TMEM45A: variants seen among roughly 807,000 people sequenced by gnomAD.
The protein encoded by TMEM45A is DNA polymerase-transactivated protein 4.
A neutral mutation model predicts 32.0 loss-of-function variants in TMEM45A; 25 were observed. The ratio of observed to expected loss-of-function variants is 0.78; its 90% CI spans 0.57 to 1.09. The LOEUF (loss-of-function observed/expected upper bound fraction) is 1.09. Among genes scored for constraint, TMEM45A ranks in the 50% least tolerant of loss-of-function variants. The pLI, the probability that TMEM45A is intolerant of heterozygous loss-of-function variation, is 0.00. For missense variants in TMEM45A, 302 were observed against 325.0 expected, an observed-to-expected ratio of 0.93 and a Z score of 0.54; for synonymous variants, 122 against 114.8, an observed-to-expected ratio of 1.06 and a Z score of -0.40.
intron 1 of TMEM45A, among the ~76,000 whole-genome samples, chr3:100,546,126 G>A (rs1054278918): frequency 2.0e-5 from 3 of 152,148 alleles, no homozygotes; most frequent in African/African-American, 7.2e-5. Flanking sequence ...GAATGGAGGT[G>A]GCTTCTAAGA....
intron 1 of TMEM45A, among the ~76,000 whole-genome samples, chr3:100,539,110 T>C (rs1374379635): frequency 6.6e-6 from 1 of 152,180 alleles, no homozygotes; most frequent in Non-Finnish European, 1.5e-5. Flanking sequence ...CTAAAGTTTA[T>C]ATGGACAGAC....
chr3:100,570,431 G>A (rs1224235398), intron 5 of TMEM45A, among the ~76,000 whole-genome samples: 3 of 152,204 alleles, frequency 2.0e-5, no homozygotes, highest in Non-Finnish European at 4.4e-5. Context: ...TCAGCTGCAG[G>A]TCAGCCCACT....
At chr3:100,556,121 C>T (rs1373961388) in intron 2 of TMEM45A, among the ~76,000 whole-genome samples, 2 of 152,144 alleles carry the variant, frequency 1.3e-5, no homozygotes, top group African/African-American at 4.8e-5. Flanking sequence ...GCTAGGATTA[C>T]AAGCACCTAC....
intron 1 of TMEM45A, among the ~76,000 whole-genome samples, chr3:100,524,548 G>A (rs185304194): frequency 4.7e-4 from 72 of 152,164 alleles, no homozygotes; most frequent in African/African-American, 1.7e-3. Flanking sequence ...TGGTAGCCAC[G>A]AGCCACATGT....
In TMEM45A at chr3:100,542,847, G is replaced by T. The variant is rs140235228; in HGVS notation, c.-3-12362G>T. ...GGAGCTAAACATTGGTAATACATGG[G>T]CATACAGATGACAATAATAGGCATT... On this transcript the variant is annotated intron_variant, in intron 1 of 5. Coordinates refer to ENST00000323523, the MANE Select transcript of TMEM45A (RefSeq NM_018004.3). Among the ~76,000 whole-genome samples the T allele has an allele frequency of 7.9e-5, 12 of 152,218 alleles. No homozygotes were observed. In the East Asian group the frequency reaches 2.1e-3, roughly 27 times the overall value.
At chr3:100,528,449 C>T (rs915742900) in intron 1 of TMEM45A, among the ~76,000 whole-genome samples, 4 of 152,078 alleles carry the variant, frequency 2.6e-5, no homozygotes, top group African/African-American at 9.7e-5. Flanking sequence ...GAAGTGAGGG[C>T]AGAATCGAAG....
intron 1 of TMEM45A, 87 bp from the exon 2 acceptor site, chr3:100,555,122 C>T: frequency 8.5e-7 from 1 of 1,175,602 alleles, no homozygotes; most frequent in Non-Finnish European, 1.2e-6. Flanking sequence ...AATCAGAAGA[C>T]AGTGTACTTT....
At chr3:100,551,517 A>G (rs976133216) in intron 1 of TMEM45A, among the ~76,000 whole-genome samples, 1 of 152,178 alleles carries the variant, frequency 6.6e-6, no homozygotes, top group Non-Finnish European at 1.5e-5. Context: ...ACTCTGTGCT[A>G]CTTTACTTGG....
chr3:100,514,197 G>A (rs1213165329), intron 1 of TMEM45A, among the ~76,000 whole-genome samples: 2 of 152,264 alleles, frequency 1.3e-5, no homozygotes, highest in Non-Finnish European at 2.9e-5. Flanking sequence ...AACAAAGCTG[G>A]AGGCATCATG....
intron 1 of TMEM45A, among the ~76,000 whole-genome samples, chr3:100,528,205 T>G (rs888904622): frequency 1.3e-5 from 2 of 152,220 alleles, no homozygotes; most frequent in Admixed American, 1.3e-4. Context: ...AAACATGGGT[T>G]GTATTCCAGC....
chr3:100,576,620 A>AT (rs1706692245), intron 5 of TMEM45A, among the ~76,000 whole-genome samples: 1 of 152,046 alleles, frequency 6.6e-6, no homozygotes, highest in Non-Finnish European at 1.5e-5. Flanking sequence ...ACTCTGTCTC[A>AT]TAAAAAAAAA....
chr3:100,511,135 A>G (rs1210152147), intron 1 of TMEM45A, among the ~76,000 whole-genome samples: 1 of 151,880 alleles, frequency 6.6e-6, no homozygotes, highest in Admixed American at 6.5e-5. Context: ...CCACAAAGAT[A>G]CTCCTCGAGA....
intron 4 of TMEM45A, among the ~76,000 whole-genome samples, chr3:100,564,415 T>A (rs1706386454): frequency 6.6e-6 from 1 of 152,108 alleles, no homozygotes; most frequent in African/African-American, 2.4e-5. Context: ...AAATGCAAAC[T>A]TTTGTGTAAT....
intron 1 of TMEM45A, among the ~76,000 whole-genome samples, chr3:100,494,183 T>A (rs1273523803): frequency 1.3e-5 from 2 of 152,238 alleles, no homozygotes; most frequent in Non-Finnish European, 2.9e-5. Context: ...ACCCACTCCA[T>A]CTGAAACATG....
intron 4 of TMEM45A, among the ~76,000 whole-genome samples, chr3:100,562,313 G>T (rs995620334): frequency 2.0e-5 from 3 of 152,120 alleles, no homozygotes; most frequent in Non-Finnish European, 2.9e-5. Flanking sequence ...ATGAGTTGTG[G>T]CAGTTTCTAG....
chr3:100,560,841 G>A (rs1576291090), intron 4 of TMEM45A, among the ~76,000 whole-genome samples: 1 of 152,206 alleles, frequency 6.6e-6, no homozygotes, highest in Admixed American at 6.5e-5. Flanking sequence ...TAATGTCTAG[G>A]ATCTGAAGGA....
intron 1 of TMEM45A, among the ~76,000 whole-genome samples, chr3:100,495,961 A>G (rs1707920079): frequency 6.6e-6 from 1 of 152,232 alleles, no homozygotes; most frequent in South Asian, 2.1e-4. Flanking sequence ...TTTAACACAT[A>G]TAACTTCATA....
intron 1 of TMEM45A, among the ~76,000 whole-genome samples, chr3:100,544,650 A>G (rs1559646321): frequency 6.6e-6 from 1 of 152,302 alleles, no homozygotes; most frequent in East Asian, 1.9e-4. Context: ...TTCATGTAAC[A>G]TAATGCTTTT....
intron 1 of TMEM45A, among the ~76,000 whole-genome samples, chr3:100,529,475 C>T (rs531536071): frequency 5.9e-5 from 9 of 152,070 alleles, no homozygotes; most frequent in South Asian, 2.1e-4. Context: ...GATGTGCAAG[C>T]GCTGTGGGGG....
Sources: allele counts gnomAD v4.1 joint callset (sites outside exome capture counted in the v4.1 genomes callset), GRCh38; gene constraint gnomAD v4.1.1; transcripts MANE v1.5; gene names NCBI Gene and HGNC (gene_info 2026-07-23, HGNC 2026-07-21).